Variants in PCDHGA3 observed in about 807,000 individuals in gnomAD.
PCDHGA3 encodes protocadherin gamma-A3.
In PCDHGA3, 40 loss-of-function variants were observed where a neutral mutation model predicts 58.5. The observed-to-expected ratio is 0.68, with a 90% CI of 0.53 to 0.89. PCDHGA3 has a LOEUF of 0.89. Among genes scored for constraint, PCDHGA3 ranks in the 40% least tolerant of loss-of-function variants. The pLI, the probability that PCDHGA3 is intolerant of heterozygous loss-of-function variation, is 0.00. For synonymous variants in PCDHGA3, 530 were observed against 525.7 expected, an observed-to-expected ratio of 1.01 and a Z score of -0.11; for missense variants, 1,223 against 1,195.9, an observed-to-expected ratio of 1.02 and a Z score of -0.33.
intron 1 of PCDHGA3, among the ~76,000 whole-genome samples, chr5:141,482,866 G>A (rs768388750): frequency 2.7e-5 from 4 of 150,296 alleles, no homozygotes; most frequent in Non-Finnish European, 4.4e-5. Flanking sequence ...GAGGTCAGGA[G>A]TTTGAAACCA....
chr5:141,444,152 A>ATTTTTTTTT (rs747671382), intron 1 of PCDHGA3, among the ~76,000 whole-genome samples: 2 of 33,898 alleles, frequency 5.9e-5, no homozygotes, highest in Non-Finnish European at 5.2e-5. Context: ...TGTGTACTGG[A>ATTTTTTTTT]TTTTTTTTTT....
chr5:141,456,942 A>C (rs11737987), intron 1 of PCDHGA3, among the ~76,000 whole-genome samples: 42,405 of 152,066 alleles, frequency 0.28, 6,638 homozygotes, highest in African/African-American at 0.43. Flanking sequence ...CAGCCTGGGC[A>C]ACAGAGCAAA....
intron 1 of PCDHGA3, chr5:141,362,562 C>T (rs1762569349): frequency 6.2e-7 from 1 of 1,608,438 alleles, no homozygotes; most frequent in Non-Finnish European, 8.5e-7. Context: ...TGAAGGTGAG[C>T]TTTAATTAAT....
At position 141,397,472 on chromosome 5, in the gene PCDHGA3, A is replaced by T. The variant is rs548612657; in HGVS notation, c.2424+51015A>T. 6.6e-4 allele frequency among the ~76,000 whole-genome samples: 100 copies of T among 152,362 alleles called. 1 individual carries two copies. Among genetic ancestry groups the T allele is most frequent in the African/African-American group, 2.4e-3 (99 of 41,586 alleles). ...AACACTAGAAATATTGGGGAGTTGG[A>T]AATCATAGAAATGAACAGAAGAATG... On this transcript the variant is annotated intron_variant, in intron 1 of 3. Coordinates refer to ENST00000253812, the MANE Select transcript of PCDHGA3 (RefSeq NM_018916.4).
intron 1 of PCDHGA3, chr5:141,393,977 T>TA: frequency 6.2e-7 from 1 of 1,613,870 alleles, no homozygotes; most frequent in Non-Finnish European, 8.5e-7. Flanking sequence ...ACACACGTGA[T>TA]AATTTACCTT....
intron 1 of PCDHGA3, chr5:141,409,822 C>A (rs983633484): frequency 6.2e-6 from 10 of 1,610,868 alleles, no homozygotes; most frequent in Non-Finnish European, 6.8e-6. Flanking sequence ...ACGGCTCGCC[C>A]ACGCTCAGCG....
chr5:141,393,844 G>A (rs1158027980), intron 1 of PCDHGA3: 1 of 1,613,966 alleles, frequency 6.2e-7, no homozygotes, highest in Admixed American at 1.7e-5. Flanking sequence ...AATGACAATA[G>A]ACCAGAAGTG....
intron 1 of PCDHGA3, among the ~76,000 whole-genome samples, chr5:141,347,853 T>A (rs6863116): frequency 0.14 from 21,466 of 151,966 alleles, 2,079 homozygotes; most frequent in African/African-American, 0.28. Flanking sequence ...ATATGCCTAA[T>A]GTATATGCTT....
At chr5:141,495,710 G>C (rs2099763133) in intron 2 of PCDHGA3, among the ~76,000 whole-genome samples, 1 of 152,148 alleles carries the variant, frequency 6.6e-6, no homozygotes, top group Non-Finnish European at 1.5e-5. Flanking sequence ...TGTGGAGTGA[G>C]TAACTACACG....
chr5:141,395,102 G>T (rs766050798), intron 1 of PCDHGA3: 3 of 1,614,172 alleles, frequency 1.9e-6, no homozygotes, highest in South Asian at 1.1e-5. Flanking sequence ...CCGCCGACTC[G>T]CGGAAGAGTC....
At chr5:141,501,326 CACACACA>C (rs1562200783) in intron 2 of PCDHGA3, among the ~76,000 whole-genome samples, 10 of 151,784 alleles carry the variant, frequency 6.6e-5, no homozygotes, top group African/African-American at 1.9e-4. Flanking sequence ...CACACACACA[CACACACA>C]CCCCAAACTC....
intron 1 of PCDHGA3, chr5:141,383,125 G>T: frequency 6.2e-7 from 1 of 1,614,062 alleles, no homozygotes. Context: ...GCAGCTTTTC[G>T]CCCTGAACCA....
intron 1 of PCDHGA3, chr5:141,405,187 G>T (rs372851700): frequency 9.3e-6 from 15 of 1,613,480 alleles, no homozygotes; most frequent in Non-Finnish European, 1.3e-5. Flanking sequence ...GTGTAGATGG[G>T]GTTCGAGCTT....
chr5:141,427,428 T>C (rs1489623330), intron 1 of PCDHGA3: 3 of 470,472 alleles, frequency 6.4e-6, no homozygotes, highest in Admixed American at 4.7e-5. Context: ...GGAGGTTACA[T>C]GCCTCATAAA....
At chr5:141,433,381 A>ATCTC (rs1561869478) in intron 1 of PCDHGA3, among the ~76,000 whole-genome samples, 1 of 151,148 alleles carries the variant, frequency 6.6e-6, no homozygotes, top group Admixed American at 6.6e-5. Flanking sequence ...CTATCTATCT[A>ATCTC]TCTATCTATC....
rs2095403267 is a variant in PCDHGA3, at chr5:141,410,523, A to C, written c.2424+64066A>C. 2 of 1,613,800 alleles carry C rather than the reference A, an allele frequency of 1.2e-6. No individual in the cohort carries two copies. Among genetic ancestry groups the C allele is most frequent in the African/African-American group, 2.7e-5 (2 of 74,910 alleles). ...TTCCTAAAATGCAGTGTGCCCCTAC[A>C]TTCCAATGAAGACATGGTTTGCAGT... On this transcript the variant is annotated intron_variant, in intron 1 of 3. Coordinates refer to ENST00000253812, the MANE Select transcript of PCDHGA3 (RefSeq NM_018916.4).
chr5:141,352,635 A>G (rs1269276084), intron 1 of PCDHGA3: 1 of 1,610,146 alleles, frequency 6.2e-7, no homozygotes, highest in South Asian at 1.1e-5. Context: ...AATGAAGATC[A>G]CAAAATCGCT....
chr5:141,397,907 G>C, intron 1 of PCDHGA3: 1 of 663,426 alleles, frequency 1.5e-6, no homozygotes, highest in Non-Finnish European at 2.5e-6. Context: ...AGAGCTTGGC[G>C]CTCCAGATCT....
chr5:141,389,019 G>T, intron 1 of PCDHGA3: 3 of 1,614,000 alleles, frequency 1.9e-6, no homozygotes, highest in South Asian at 1.1e-5. Context: ...ACACAATGGA[G>T]AAGTGACTTG....
Sources: gnomAD v4.1 joint callset for allele counts (sites outside exome capture counted in the v4.1 genomes callset) on GRCh38, gnomAD v4.1.1 for gene constraint, MANE v1.5 for transcripts, NCBI Gene and HGNC (gene_info 2026-07-23, HGNC 2026-07-21) for gene names.